The following SLIT2 variants were observed in gnomAD, a reference collection of about 807,000 sequenced individuals.
SLIT2 encodes slit homolog 2 protein.
A neutral mutation model predicts 185.7 loss-of-function variants in SLIT2; 41 were observed. That is an observed-to-expected ratio of 0.22 (90% confidence interval 0.17 to 0.29). SLIT2 has a LOEUF of 0.29. SLIT2 is among the 10% of genes least tolerant of loss of function. The pLI, the probability that SLIT2 is intolerant of heterozygous loss-of-function variation, is 1.00. For synonymous variants in SLIT2, 693 were observed against 680.2 expected (o/e 1.02, Z -0.29); for missense variants, 1,571 against 1,909.0 (o/e 0.82, Z 3.30).
chr4:20,428,961 C>A (rs1034021088), intron 4 of SLIT2, among the ~76,000 whole-genome samples: 1 of 152,208 alleles, frequency 6.6e-6, no homozygotes, highest in African/African-American at 2.4e-5. Context: ...CAGCAAATGA[C>A]ATCACTTTTC....
At chr4:20,307,717 GA>G (rs1717717926) in intron 4 of SLIT2, among the ~76,000 whole-genome samples, 1 of 152,168 alleles carries the variant, frequency 6.6e-6, no homozygotes, top group Admixed American at 6.5e-5. Flanking sequence ...GTATACCAGG[GA>G]CTCTAATTCT....
At chr4:20,365,061 C>G (rs1723006229) in intron 4 of SLIT2, among the ~76,000 whole-genome samples, 1 of 152,242 alleles carries the variant, frequency 6.6e-6, no homozygotes, top group African/African-American at 2.4e-5. Context: ...TTCATTCCCC[C>G]AGTTGCCTAA....
intron 12 of SLIT2, among the ~76,000 whole-genome samples, chr4:20,521,043 T>C (rs1478866478): frequency 6.6e-6 from 1 of 152,212 alleles, no homozygotes; most frequent in Non-Finnish European, 1.5e-5. Flanking sequence ...GTGACTCACC[T>C]CTCTGCCATT....
At chr4:20,412,218 A>G (rs73250384) in intron 4 of SLIT2, among the ~76,000 whole-genome samples, 32,361 of 151,900 alleles carry the variant, frequency 0.21, 3,733 homozygotes, top group Non-Finnish European at 0.27. Flanking sequence ...AAAAAAAAGA[A>G]TGCTCACGTT....
chr4:20,501,972 T>TC (rs199544085), intron 9 of SLIT2, among the ~76,000 whole-genome samples: 1 of 151,922 alleles, frequency 6.6e-6, no homozygotes, highest in Non-Finnish European at 1.5e-5. Flanking sequence ...TCATTTATAT[T>TC]TTTTTTTTGC....
At chr4:20,425,637 A>G (rs1728502057) in intron 4 of SLIT2, among the ~76,000 whole-genome samples, 1 of 152,228 alleles carries the variant, frequency 6.6e-6, no homozygotes, top group Non-Finnish European at 1.5e-5. Context: ...CTTCCTGTCC[A>G]TAAATCCGTT....
intron 26 of SLIT2, among the ~76,000 whole-genome samples, chr4:20,557,356 T>C (rs1331223544): frequency 6.6e-6 from 1 of 152,012 alleles, no homozygotes. Context: ...GCTAAGAAGT[T>C]GAAGCCAATG....
At chr4:20,467,039 A>T in intron 4 of SLIT2, among the ~76,000 whole-genome samples, 1 of 152,200 alleles carries the variant, frequency 6.6e-6, no homozygotes, top group East Asian at 1.9e-4. Context: ...TCATGAGATG[A>T]GCGATTTTTA....
intron 4 of SLIT2, among the ~76,000 whole-genome samples, chr4:20,285,569 T>G (rs1362616017): frequency 6.6e-6 from 1 of 152,176 alleles, no homozygotes; most frequent in Non-Finnish European, 1.5e-5. Flanking sequence ...TTATTTTTTC[T>G]GAGACGATGT....
chr4:20,466,143 T>G (rs1714326570), intron 4 of SLIT2, among the ~76,000 whole-genome samples: 1 of 152,168 alleles, frequency 6.6e-6, no homozygotes, highest in African/African-American at 2.4e-5. Context: ...TTTTTGTGTC[T>G]TCTATCTCTC....
intron 4 of SLIT2, among the ~76,000 whole-genome samples, chr4:20,350,903 A>G (rs1053829831): frequency 5.9e-5 from 9 of 152,186 alleles, no homozygotes; most frequent in Non-Finnish European, 1.0e-4. Flanking sequence ...TATTCTTTCT[A>G]TTAAATTATC....
At chr4:20,326,734 G>C (rs1429197581) in intron 4 of SLIT2, among the ~76,000 whole-genome samples, 1 of 131,624 alleles carries the variant, frequency 7.6e-6, no homozygotes, top group African/African-American at 2.9e-5. Context: ...CATGTTGAAA[G>C]CATTCTGAAA....
intron 4 of SLIT2, among the ~76,000 whole-genome samples, chr4:20,444,142 T>C (rs1319113191): frequency 6.6e-6 from 1 of 152,084 alleles, no homozygotes; most frequent in African/African-American, 2.4e-5. Context: ...CCTAGAGGGT[T>C]TCCATTTTCT....
At chr4:20,370,048 C>G (rs902723051) in intron 4 of SLIT2, among the ~76,000 whole-genome samples, 3 of 152,044 alleles carry the variant, frequency 2.0e-5, no homozygotes, top group African/African-American at 7.2e-5. Flanking sequence ...GTCTCTACCC[C>G]AGACCAACTG....
intron 4 of SLIT2, among the ~76,000 whole-genome samples, chr4:20,413,829 A>G (rs1727448178): frequency 6.6e-6 from 1 of 151,896 alleles, no homozygotes; most frequent in South Asian, 2.1e-4. Flanking sequence ...TTTATATGGC[A>G]TCTAGGTATA....
At chr4:20,582,602 A>T (rs1405752326) in intron 29 of SLIT2, among the ~76,000 whole-genome samples, 3 of 152,200 alleles carry the variant, frequency 2.0e-5, no homozygotes, top group Non-Finnish European at 4.4e-5. Context: ...AGTTTGAGGT[A>T]TGACAGCAAA....
Position 20,252,897 on chromosome 4 carries a change from G to T in SLIT2, c.-919G>T, listed in dbSNP as rs1161181976. 1.3e-5 allele frequency among the ~76,000 whole-genome samples: 2 copies of T among 152,116 alleles called. No homozygotes were observed. The highest frequency in any genetic ancestry group is 2.9e-5 in the Non-Finnish European group (2 of 68,024). On this transcript the variant is annotated 5_prime_UTR_variant, in exon 1 of 37. Transcript: ENST00000504154. Reference sequence around the variant, plus strand: ...CCCAGTCAGTCCCCACTCAGTCTTCGCAGCAGCTCTCATCCTCCACTTGGC... The same window carrying T: ...CCCAGTCAGTCCCCACTCAGTCTTCTCAGCAGCTCTCATCCTCCACTTGGC...
At chr4:20,514,415 C>T (rs907712424) in intron 11 of SLIT2, among the ~76,000 whole-genome samples, 5 of 152,000 alleles carry the variant, frequency 3.3e-5, no homozygotes, top group Non-Finnish European at 5.9e-5. Flanking sequence ...CCTAGGCAGG[C>T]GGATCACTTG....
chr4:20,304,233 A>G (rs1717323937), intron 4 of SLIT2, among the ~76,000 whole-genome samples: 2 of 152,158 alleles, frequency 1.3e-5, no homozygotes, highest in African/African-American at 4.8e-5. Flanking sequence ...TTATCCCCCT[A>G]CTCTTAATTA....
Sources: allele counts gnomAD v4.1 joint callset (sites outside exome capture counted in the v4.1 genomes callset), GRCh38; gene constraint gnomAD v4.1.1; transcripts MANE v1.5; gene names NCBI Gene and HGNC (gene_info 2026-07-23, HGNC 2026-07-21).